Variants in NDUFS4 observed in about 807,000 individuals in gnomAD.
NDUFS4 encodes the protein NADH dehydrogenase [ubiquinone] iron-sulfur protein 4, mitochondrial.
NDUFS4 carries 28 observed loss-of-function variants against 24.3 expected under a neutral mutation model. The observed-to-expected ratio is 1.15, with a 90% CI of 0.85 to 1.58. NDUFS4 has a LOEUF of 1.58. Ranked by LOEUF, NDUFS4 falls within the 40% of genes most tolerant of loss-of-function variation. NDUFS4 has a pLI of 0.00. For missense variants in NDUFS4, 223 were observed against 207.9 expected (o/e 1.07, Z -0.45); for synonymous variants, 93 against 69.7 (o/e 1.34, Z -1.67).
chr5:53,587,481 A>G lies in NDUFS4; in HGVS notation c.99-15971A>G, dbSNP rs57292254. 7.3e-3 allele frequency among the ~76,000 whole-genome samples: 1,110 copies of G among 152,296 alleles called. 13 individuals carry two copies. Among genetic ancestry groups the G allele is most frequent in the African/African-American group, 0.025 (1,058 of 41,562 alleles). ...ATGTATATAAATGAGCAAAAGGCAT[A>G]TATTTGAGTATGTATAGATTAGCAA... is the stretch of plus-strand genomic sequence containing the variant. On this transcript the variant is annotated intron_variant, in intron 1 of 4. Coordinates refer to ENST00000296684, the MANE Select transcript of NDUFS4 (RefSeq NM_002495.4).
intron 3 of NDUFS4, among the ~76,000 whole-genome samples, chr5:53,653,700 T>C (rs1424516658): frequency 6.6e-6 from 1 of 152,146 alleles, no homozygotes; most frequent in Non-Finnish European, 1.5e-5. Context: ...CAATTTGGTA[T>C]ATATCCTTCC....
intron 4 of NDUFS4, among the ~76,000 whole-genome samples, chr5:53,679,906 A>C (rs544067124): frequency 6.6e-6 from 1 of 152,148 alleles, no homozygotes; most frequent in Non-Finnish European, 1.5e-5. Flanking sequence ...CAGAATCTAC[A>C]CTAGAAACCA....
At chr5:53,568,088 A>G (rs1389346207) in intron 1 of NDUFS4, among the ~76,000 whole-genome samples, 4 of 152,114 alleles carry the variant, frequency 2.6e-5, no homozygotes, top group Non-Finnish European at 5.9e-5. Context: ...TTCAAGTTCT[A>G]TTTTGTTGTC....
chr5:53,592,605 G>C (rs1421114071), intron 1 of NDUFS4, among the ~76,000 whole-genome samples: 10 of 151,654 alleles, frequency 6.6e-5, no homozygotes, highest in South Asian at 2.1e-4. Context: ...TTAAGTTTTT[G>C]CATGTGGATG....
intron 1 of NDUFS4, among the ~76,000 whole-genome samples, chr5:53,563,800 C>T (rs944591343): frequency 1.3e-5 from 2 of 152,206 alleles, no homozygotes; most frequent in African/African-American, 2.4e-5. Context: ...CCGCGCCCAT[C>T]CCTAAGTTGT....
At chr5:53,666,378 C>T (rs960077209) in intron 4 of NDUFS4, among the ~76,000 whole-genome samples, 5 of 152,150 alleles carry the variant, frequency 3.3e-5, no homozygotes, top group African/African-American at 1.2e-4. Context: ...CTATTAAAAT[C>T]AAGTGCCTTT....
chr5:53,583,884 G>T (rs1561342250), intron 1 of NDUFS4, among the ~76,000 whole-genome samples: 2 of 152,186 alleles, frequency 1.3e-5, no homozygotes, highest in Non-Finnish European at 2.9e-5. Flanking sequence ...AACCGTGGTT[G>T]CCAAGACTGT....
At chr5:53,628,485 A>G (rs2112486580) in intron 2 of NDUFS4, among the ~76,000 whole-genome samples, 1 of 152,292 alleles carries the variant, frequency 6.6e-6, no homozygotes, top group East Asian at 1.9e-4. Flanking sequence ...CCTCTGGTAG[A>G]ATTCGGCTAT....
At chr5:53,568,060 G>A (rs1749095173) in intron 1 of NDUFS4, among the ~76,000 whole-genome samples, 1 of 151,982 alleles carries the variant, frequency 6.6e-6, no homozygotes, top group Admixed American at 6.6e-5. Flanking sequence ...TAATAACAGA[G>A]CAATTCAGAA....
At chr5:53,585,654 ATTAC>A (rs1749726452) in intron 1 of NDUFS4, among the ~76,000 whole-genome samples, 1 of 152,002 alleles carries the variant, frequency 6.6e-6, no homozygotes, top group Non-Finnish European at 1.5e-5. Context: ...AGGCAGGAGA[ATTAC>A]TTGAACCTGG....
chr5:53,580,708 C>CT (rs1368965783), intron 1 of NDUFS4, among the ~76,000 whole-genome samples: 4 of 146,518 alleles, frequency 2.7e-5, no homozygotes, highest in African/African-American at 7.8e-5. Context: ...CTTTCCTTTC[C>CT]TTTCCTTTTC....
chr5:53,647,626 G>C (rs1751906632), intron 3 of NDUFS4, among the ~76,000 whole-genome samples: 1 of 152,170 alleles, frequency 6.6e-6, no homozygotes, highest in East Asian at 1.9e-4. Context: ...TAGGAGGGCT[G>C]ATTCTAGTTA....
chr5:53,632,297 G>A (rs934512049), intron 2 of NDUFS4, among the ~76,000 whole-genome samples: 1 of 152,188 alleles, frequency 6.6e-6, no homozygotes, highest in Non-Finnish European at 1.5e-5. Context: ...CTGCTGATCA[G>A]CTTAATCCTT....
intron 1 of NDUFS4, among the ~76,000 whole-genome samples, chr5:53,594,570 T>C (rs1426631693): frequency 7.0e-6 from 1 of 142,692 alleles, no homozygotes; most frequent in Admixed American, 6.7e-5. Flanking sequence ...TGTGCTCATA[T>C]CATCTGCATT....
At chr5:53,645,348 G>A (rs531501987) in intron 2 of NDUFS4, among the ~76,000 whole-genome samples, 22 of 152,158 alleles carry the variant, frequency 1.4e-4, no homozygotes, top group Non-Finnish European at 2.2e-4. Flanking sequence ...GCCTTGAGCA[G>A]TAGGATATAA....
rs1750399747 is a variant in NDUFS4, at chr5:53,603,547, A to C, written c.177+17A>C. The C allele has an allele frequency of 1.3e-6, 2 of 1,587,188 alleles. No individual in the cohort carries two copies. The highest frequency in any genetic ancestry group is 2.7e-5 in the African/African-American group (2 of 74,360). On this transcript the variant is annotated intron_variant, in intron 2 of 4. Coordinates refer to ENST00000296684, the MANE Select transcript of NDUFS4 (RefSeq NM_002495.4). ...GAAAAATTGGTAAGGATTTTCTACT[A>C]CACACTGCTATGGTTCTGCCTTCAG...
chr5:53,683,170 T>C lies in NDUFS4; in HGVS notation c.477T>C (p.Ser159=), dbSNP rs776243809. 1.2e-6 allele frequency: 2 copies of C among 1,612,738 alleles called. No individual in the cohort carries two copies. The highest frequency in any genetic ancestry group is 1.7e-6 in the Non-Finnish European group (2 of 1,179,024). The change falls in exon 5 of 5, where the codon TCT becomes TCC. Residue 159 remains serine (S), a synonymous_variant. Transcript: ENST00000296684. ...ERKVPKPKSK[S]YGANFSWNKR... Reference sequence around the variant, plus strand: ...AGGTTCCAAAACCCAAGTCCAAGTCTTATGGTGCAAACTTTTCTTGGAACA... The same window carrying C: ...AGGTTCCAAAACCCAAGTCCAAGTCCTATGGTGCAAACTTTTCTTGGAACA...
chr5:53,582,210 C>CAAAATAAAATAAAATAAAATAAAAT (rs374195906), intron 1 of NDUFS4, among the ~76,000 whole-genome samples: 1 of 117,742 alleles, frequency 8.5e-6, no homozygotes, highest in African/African-American at 3.1e-5. Flanking sequence ...GACTCTGTCT[C>CAAAATAAAATAAAATAAAATAAAAT]AAAATAAAAT....
intron 2 of NDUFS4, among the ~76,000 whole-genome samples, chr5:53,613,869 G>A (rs1750769957): frequency 1.3e-5 from 2 of 151,898 alleles, no homozygotes; most frequent in South Asian, 4.1e-4. Flanking sequence ...AATGGAAAAT[G>A]TTAAGACTTC....
Sources: gnomAD v4.1 joint callset for allele counts (sites outside exome capture counted in the v4.1 genomes callset) on GRCh38, gnomAD v4.1.1 for gene constraint, MANE v1.5 for transcripts, NCBI Gene and HGNC (gene_info 2026-07-23, HGNC 2026-07-21) for gene names.